The following ZFHX3 variants were observed in gnomAD, a reference collection of about 807,000 sequenced individuals.
ZFHX3 encodes zinc finger homeobox protein 3.
In ZFHX3, 42 loss-of-function variants were observed where a neutral mutation model predicts 279.1. The observed-to-expected ratio is 0.15, with a 90% CI of 0.12 to 0.19. The LOEUF (loss-of-function observed/expected upper bound fraction) is 0.19, where lower values mean the gene tolerates loss of function less well. Ranked by LOEUF, ZFHX3 falls within the 10% of genes least tolerant of loss-of-function variation. ZFHX3 has a pLI of 1.00. For missense variants in ZFHX3, 4,981 were observed against 4,754.0 expected, an observed-to-expected ratio of 1.05 and a Z score of -1.40; for synonymous variants, 2,293 against 1,957.8, an observed-to-expected ratio of 1.17 and a Z score of -4.52.
chr16:73,676,330 G>C (rs998409157), intron 2 of ZFHX3, among the ~76,000 whole-genome samples: 2 of 151,968 alleles, frequency 1.3e-5, no homozygotes, highest in East Asian at 1.9e-4. Context: ...GCTGGAGAGA[G>C]CAATGGAATG....
chr16:72,867,977 GAACT>G (rs1319799499), intron 4 of ZFHX3, among the ~76,000 whole-genome samples: 1 of 152,180 alleles, frequency 6.6e-6, no homozygotes, highest in African/African-American at 2.4e-5. Flanking sequence ...AGGAAGCATG[GAACT>G]AACTGAGCCA....
chr16:73,756,879 C>T (rs578189017), intron 1 of ZFHX3, among the ~76,000 whole-genome samples: 13 of 152,088 alleles, frequency 8.5e-5, no homozygotes, highest in Admixed American at 3.3e-4. Flanking sequence ...TTATTTATGA[C>T]GCAAGGAATA....
chr16:73,015,454 AC>A (rs1258866815), intron 1 of ZFHX3: 1 of 152,258 alleles, frequency 6.6e-6, no homozygotes, highest in Admixed American at 6.5e-5. Context: ...ATCCAAATTA[AC>A]CAAGGAAACA....
At chr16:73,015,517 T>G (rs183691725) in intron 1 of ZFHX3, 1 of 152,250 alleles carries the variant, frequency 6.6e-6, no homozygotes, top group East Asian at 1.9e-4. Context: ...ATGTTTATTT[T>G]ATCTAATAGG....
intron 2 of ZFHX3, among the ~76,000 whole-genome samples, chr16:73,604,559 G>A (rs2052158027): frequency 6.6e-6 from 1 of 151,996 alleles, no homozygotes; most frequent in Non-Finnish European, 1.5e-5. Flanking sequence ...GCCTGGCCAA[G>A]ATGGTGAAAC....
At chr16:73,725,990 G>A (rs1022295815) in intron 1 of ZFHX3, among the ~76,000 whole-genome samples, 1 of 152,094 alleles carries the variant, frequency 6.6e-6, no homozygotes, top group Non-Finnish European at 1.5e-5. Flanking sequence ...AAATAAATAG[G>A]TTTCATTGCT....
At chr16:73,662,458 G>A (rs1324100336) in intron 2 of ZFHX3, among the ~76,000 whole-genome samples, 1 of 148,984 alleles carries the variant, frequency 6.7e-6, no homozygotes, top group Admixed American at 6.9e-5. Flanking sequence ...CATATGGGAT[G>A]TCAGAAAACA....
intron 1 of ZFHX3, among the ~76,000 whole-genome samples, chr16:72,995,066 A>C (rs1963233789): frequency 6.6e-6 from 1 of 152,188 alleles, no homozygotes; most frequent in Non-Finnish European, 1.5e-5. Context: ...GCTGCACTCC[A>C]ATCACCAAAA....
intron 2 of ZFHX3, among the ~76,000 whole-genome samples, chr16:73,581,321 A>G (rs928453503): frequency 9.2e-5 from 14 of 151,836 alleles, no homozygotes; most frequent in African/African-American, 3.4e-4. Context: ...AATTCCTTCC[A>G]AAGTCCTATC....
intron 1 of ZFHX3, among the ~76,000 whole-genome samples, chr16:73,689,793 A>T (rs2053128152): frequency 6.6e-6 from 1 of 152,056 alleles, no homozygotes; most frequent in Non-Finnish European, 1.5e-5. Context: ...CCCAGCTCTG[A>T]GGACATACAG....
At chr16:73,431,235 T>C (rs1342550530) in intron 3 of ZFHX3, among the ~76,000 whole-genome samples, 1 of 69,382 alleles carries the variant, frequency 1.4e-5, no homozygotes, top group Non-Finnish European at 2.8e-5. Flanking sequence ...AATCTGTTTT[T>C]TTGTATTTTT....
chr16:73,029,400 A>G (rs1006676533), intron 1 of ZFHX3, among the ~76,000 whole-genome samples: 10 of 152,206 alleles, frequency 6.6e-5, no homozygotes, highest in African/African-American at 2.4e-4. Flanking sequence ...ACTAAAGGGG[A>G]CACAAGAGCC....
intron 2 of ZFHX3, among the ~76,000 whole-genome samples, chr16:73,612,603 T>C (rs375039474): frequency 2.6e-5 from 4 of 152,302 alleles, no homozygotes; most frequent in Admixed American, 6.5e-5. Flanking sequence ...GTAAATTACA[T>C]TGCAATAAAG....
chr16:72,851,057 A>G (rs908010562), intron 4 of ZFHX3, among the ~76,000 whole-genome samples: 1 of 152,170 alleles, frequency 6.6e-6, no homozygotes, highest in Non-Finnish European at 1.5e-5. Context: ...TAGGATAAAC[A>G]GCAGAAATAT....
chr16:73,559,214 A>AT (rs551169389), intron 2 of ZFHX3, among the ~76,000 whole-genome samples: 90 of 151,692 alleles, frequency 5.9e-4, no homozygotes, highest in African/African-American at 2.0e-3. Flanking sequence ...TGCCCAGCTG[A>AT]TTTTTTTTAT....
At chr16:72,951,460 T>C (rs1410741321) in intron 2 of ZFHX3, among the ~76,000 whole-genome samples, 3 of 152,076 alleles carry the variant, frequency 2.0e-5, no homozygotes, top group Non-Finnish European at 4.4e-5. Context: ...CAGGGTTTCA[T>C]CATGTTGGTC....
In ZFHX3 at chr16:73,600,672, G is replaced by A. The variant is rs138619709; in HGVS notation, c.-1547+79508C>T. On this transcript the variant is annotated intron_variant, in intron 2 of 17. Transcript: ENST00000641206. ...CTTGACCTCGTGATCCGCCCGCCTC[G>A]GCCTCCCAAAGTGCTAGGATTACAG... 6.3e-3 allele frequency among the ~76,000 whole-genome samples: 959 copies of A among 151,950 alleles called. 6 individuals are homozygous for A. The highest frequency in any genetic ancestry group is 0.022 in the African/African-American group (910 of 41,436).
At chr16:72,985,401 C>T (rs1962801959) in intron 1 of ZFHX3, among the ~76,000 whole-genome samples, 1 of 152,194 alleles carries the variant, frequency 6.6e-6, no homozygotes, top group African/African-American at 2.4e-5. Flanking sequence ...AAATGTGGAT[C>T]ACAAAACAAA....
intron 1 of ZFHX3, among the ~76,000 whole-genome samples, chr16:73,728,015 G>GCCCCCCCCCCCCCCCCCC (rs3049673): frequency 2.6e-5 from 2 of 75,484 alleles, no homozygotes; most frequent in Non-Finnish European, 5.2e-5. Context: ...GCCGAATTGT[G>GCCCCCCCCCCCCCCCCCC]CCCCCCCCCC....
Sources: gnomAD v4.1 joint callset for allele counts (sites outside exome capture counted in the v4.1 genomes callset) on GRCh38, gnomAD v4.1.1 for gene constraint, MANE v1.5 for transcripts, NCBI Gene and HGNC (gene_info 2026-07-23, HGNC 2026-07-21) for gene names.